Variants in NCOA2 observed in about 807,000 individuals in gnomAD.
The protein encoded by NCOA2 is class E basic helix-loop-helix protein 75.
Under a neutral mutation model 145.1 loss-of-function variants are expected in NCOA2, and 21 were observed. That is an observed-to-expected ratio of 0.14 (90% CI 0.10 to 0.21). The LOEUF (loss-of-function observed/expected upper bound fraction) is 0.21. Ranked by LOEUF, NCOA2 falls within the 10% of genes least tolerant of loss-of-function variation. NCOA2 has a pLI of 1.00. For synonymous variants in NCOA2, 619 were observed against 637.5 expected (o/e 0.97, Z 0.44); for missense variants, 1,472 against 1,837.6 (o/e 0.80, Z 3.64).
Position 70,126,920 on chromosome 8 carries a change from A to G in NCOA2, c.3809T>C (p.Leu1270Ser), listed in dbSNP as rs372951740. The G allele has an allele frequency of 2.5e-6, 4 of 1,613,850 alleles. No homozygotes were observed. The highest frequency in any genetic ancestry group is 3.4e-6 in the Non-Finnish European group (4 of 1,179,888). Residue 1270 changes from leucine to serine, a missense_variant, in exon 19 of 23, where the codon TTG (leucine) becomes TCG (serine). By Grantham distance (145) the Leu-to-Ser change is moderately radical. Coordinates refer to ENST00000452400, the MANE Select transcript of NCOA2 (RefSeq NM_006540.4). ...QRTLMMRGQGLNMTPSMVAPS... is the reference protein window; with the variant it reads ...QRTLMMRGQGSNMTPSMVAPS... ...AGCCACCATGCTTGGTGTCATATTC[A>G]ACCCTTGTCCTCTCATCATCAAAGT...
the NCOA2 span, among the ~76,000 whole-genome samples, chr8:70,436,570 C>T: frequency 6.6e-6 from 1 of 152,170 alleles, no homozygotes; most frequent in African/African-American, 2.4e-5. Context: ...CAATATTTTG[C>T]CACACATTTC....
At chr8:70,313,829 T>C (rs1249154945) in intron 1 of NCOA2, among the ~76,000 whole-genome samples, 1 of 152,116 alleles carries the variant, frequency 6.6e-6, no homozygotes, top group Non-Finnish European at 1.5e-5. Flanking sequence ...CATTTTATAA[T>C]TCAGAAGGTG....
chr8:70,232,139 A>G (rs1175369080), intron 2 of NCOA2, among the ~76,000 whole-genome samples: 1 of 152,018 alleles, frequency 6.6e-6, no homozygotes, highest in Admixed American at 6.6e-5. Flanking sequence ...CTCCTAGCAC[A>G]CTAGCTTTCA....
chr8:70,447,123 G>A, the NCOA2 span, among the ~76,000 whole-genome samples: 107,760 of 152,100 alleles, frequency 0.71, 39,219 homozygotes, highest in Admixed American at 0.81. Context: ...GGCAATCACA[G>A]AGAATTATTT....
At chr8:70,160,683 G>GA (rs1812869941) in intron 9 of NCOA2, among the ~76,000 whole-genome samples, 1 of 125,754 alleles carries the variant, frequency 8.0e-6, no homozygotes, top group Non-Finnish European at 1.6e-5. Flanking sequence ...GAGAGAGAGG[G>GA]AGAGAGAGAG....
chr8:70,254,638 G>A (rs1032761137), intron 2 of NCOA2, among the ~76,000 whole-genome samples: 6 of 134,566 alleles, frequency 4.5e-5, no homozygotes, highest in African/African-American at 1.6e-4. Context: ...CTTACATGAG[G>A]TAGTCAAATC....
At chr8:70,407,491 C>T (rs578248431), upstream of NCOA2, among the ~76,000 whole-genome samples, 65 of 152,142 alleles carry the variant, frequency 4.3e-4, no homozygotes, top group Non-Finnish European at 7.2e-4. Flanking sequence ...ATTTCTACTA[C>T]TCTGAGAAAC....
the NCOA2 span, among the ~76,000 whole-genome samples, chr8:70,420,864 C>T: frequency 1.3e-5 from 2 of 151,992 alleles, no homozygotes; most frequent in African/African-American, 2.4e-5. Context: ...AGGATGGTCT[C>T]GATCTCTTGA....
intron 1 of NCOA2, among the ~76,000 whole-genome samples, chr8:70,319,784 T>G (rs1441876841): frequency 6.6e-6 from 1 of 152,186 alleles, no homozygotes; most frequent in Non-Finnish European, 1.5e-5. Flanking sequence ...CAAACAGGCT[T>G]GTTATCTCCT....
chr8:70,178,465 A>G (rs1225309296), intron 4 of NCOA2, among the ~76,000 whole-genome samples: 1 of 152,236 alleles, frequency 6.6e-6, no homozygotes, highest in Admixed American at 6.5e-5. Flanking sequence ...AGCTAACACC[A>G]GTAATGGAGA....
At chr8:70,427,277 G>A in the NCOA2 span, among the ~76,000 whole-genome samples, 7 of 152,112 alleles carry the variant, frequency 4.6e-5, no homozygotes, top group African/African-American at 1.7e-4. Flanking sequence ...CTAGTAAAAT[G>A]AGAAATAAAA....
At chr8:70,132,901 T>C (rs1327659751) in intron 15 of NCOA2, among the ~76,000 whole-genome samples, 1 of 152,172 alleles carries the variant, frequency 6.6e-6, no homozygotes, top group Non-Finnish European at 1.5e-5. Context: ...GAAGTGTATC[T>C]GTTAGCCTTC....
the NCOA2 span, among the ~76,000 whole-genome samples, chr8:70,432,797 G>A: frequency 6.6e-6 from 1 of 152,024 alleles, no homozygotes; most frequent in Non-Finnish European, 1.5e-5. Context: ...ATGCTTATAT[G>A]TATTTTTATA....
At chr8:70,439,106 G>C in the NCOA2 span, among the ~76,000 whole-genome samples, 1 of 152,188 alleles carries the variant, frequency 6.6e-6, no homozygotes, top group Non-Finnish European at 1.5e-5. Flanking sequence ...TCTGATGACA[G>C]GGACTAATTC....
chr8:70,213,844 C>G, intron 4 of NCOA2, 59 bp downstream of exon 4: 1 of 1,415,098 alleles, frequency 7.1e-7, no homozygotes, highest in Non-Finnish European at 9.5e-7. Context: ...AGGGACTTCT[C>G]ACACAGGGAA....
chr8:70,178,172 T>C (rs1013633579), intron 4 of NCOA2, among the ~76,000 whole-genome samples: 1 of 152,234 alleles, frequency 6.6e-6, no homozygotes, highest in Non-Finnish European at 1.5e-5. Context: ...AGCAATGTGC[T>C]CAGGCAAAGA....
chr8:70,111,354 G>C lies in NCOA2; in HGVS notation c.*2278C>G. 4.5e-6 allele frequency: 1 copy of C among 224,616 alleles called. No homozygotes were observed. The highest frequency in any genetic ancestry group is 8.9e-6 in the Non-Finnish European group (1 of 112,586). 13.9% of individuals were successfully genotyped at this position (224,616 alleles called of 1,614,324 possible). The stretch of plus-strand genomic sequence containing the variant: ...ACTCCATTTCTCTTTTGTGCTGTGT[G>C]AAGTTAAAAGTCATTCTAATTCACA... On this transcript the variant is annotated 3_prime_UTR_variant, in exon 23 of 23. Coordinates refer to ENST00000452400, the MANE Select transcript of NCOA2 (RefSeq NM_006540.4).
At chr8:70,342,097 T>G (rs186511836) in intron 1 of NCOA2, among the ~76,000 whole-genome samples, 8 of 152,320 alleles carry the variant, frequency 5.3e-5, no homozygotes, top group African/African-American at 1.9e-4. Flanking sequence ...ATATACCTAA[T>G]ACTTCCATGA....
chr8:70,114,551 CACA>C (rs1160554103), intron 22 of NCOA2, among the ~76,000 whole-genome samples: 2 of 152,158 alleles, frequency 1.3e-5, no homozygotes, highest in Non-Finnish European at 2.9e-5. Context: ...GGGATATATC[CACA>C]ACAAGACATT....
Sources: gnomAD v4.1 joint callset for allele counts (sites outside exome capture counted in the v4.1 genomes callset) on GRCh38, gnomAD v4.1.1 for gene constraint, MANE v1.5 for transcripts, NCBI Gene and HGNC (gene_info 2026-07-23, HGNC 2026-07-21) for gene names.